The following CCDC9 variants were observed in gnomAD, a reference collection of about 807,000 sequenced individuals.
The protein encoded by CCDC9 is coiled-coil domain containing 9.
CCDC9 carries 52 observed loss-of-function variants against 65.6 expected under a neutral mutation model. The observed-to-expected ratio is 0.79, with a 90% CI of 0.63 to 1.00. The LOEUF is 1.00. Among genes scored for constraint, CCDC9 ranks in the 50% least tolerant of loss-of-function variants. The pLI is 0.00. For synonymous variants in CCDC9, 332 were observed against 280.3 expected, an observed-to-expected ratio of 1.18 and a Z score of -1.84; for missense variants, 834 against 757.2, an observed-to-expected ratio of 1.10 and a Z score of -1.19.
intron 4 of CCDC9, 80 bp downstream of exon 4, chr19:47,260,502 C>G (rs2059037757): frequency 1.3e-6 from 2 of 1,595,760 alleles, no homozygotes; most frequent in Non-Finnish European, 1.7e-6. Context: ...GAGCCCCCAG[C>G]TGTCCTGCAC....
chr19:47,267,746 G>T (rs1211368602), intron 8 of CCDC9, among the ~76,000 whole-genome samples: 6 of 152,296 alleles, frequency 3.9e-5, no homozygotes, highest in African/African-American at 1.2e-4. Context: ...GGGCATGAAG[G>T]CTGTTTAACA....
downstream of CCDC9, chr19:47,273,971 C>T: frequency 1.0e-6 from 1 of 985,062 alleles, no homozygotes; most frequent in Non-Finnish European, 1.2e-6. Context: ...CGCAGGCCTC[C>T]CCGAATTCCT....
rs2059082477 is a variant in CCDC9 at position 47,266,388 on chromosome 19, CAA to C, written c.721-222_721-221del. 19 of 529,692 alleles carry C rather than the reference CAA, an allele frequency of 3.6e-5. No homozygotes were observed. The South Asian group carries it at 6.4e-4, about 18-fold the overall frequency. 32.8% of individuals were successfully genotyped at this position (529,692 alleles called of 1,614,324 possible). Reference sequence around the variant, plus strand: ...AATATAGTGAGATGTGAGGTCCTACCAAGTGTTGTGGAGAAAAATCCAGCAGC... The same window carrying C: ...AATATAGTGAGATGTGAGGTCCTACCGTGTTGTGGAGAAAAATCCAGCAGC... On this transcript the variant is annotated intron_variant, in intron 7 of 11. Transcript: ENST00000221922.
chr19:47,266,582 A>G (rs9304666), intron 7 of CCDC9, 29 bp from the exon 8 acceptor site: 667,368 of 1,487,190 alleles, frequency 0.45, 153,473 homozygotes, highest in East Asian at 0.66. Context: ...GCGGGACATC[A>G]CCCTGACTCC....
Position 47,271,105 on chromosome 19 carries a change from CA to C in CCDC9, c.1113del (p.Glu372LysfsTer56). The C allele has an allele frequency of 1.3e-6, 2 of 1,561,900 alleles. No individual in the cohort carries two copies. Among genetic ancestry groups the C allele is most frequent in the Admixed American group, 2.0e-5 (1 of 50,160 alleles). On this transcript the variant is annotated frameshift_variant, in exon 11 of 12. Transcript: ENST00000221922. LOFTEE classifies it high-confidence loss of function. Reference protein sequence around the residue: ...AYSDHDDRWETKEGAASPAPE... With the variant: ...AYSDHDDRWEXKEGAASPAPE... ...AGTGACCATGATGACCGCTGGGAGACAAAAGAAGGGGCAGCATCCCCAGCCC... is the reference window on the plus strand; with the variant it reads ...AGTGACCATGATGACCGCTGGGAGACAAAGAAGGGGCAGCATCCCCAGCCC...
chr19:47,272,145 G>T, downstream of CCDC9: 13 of 1,236,340 alleles, frequency 1.1e-5, no homozygotes, highest in Non-Finnish European at 1.1e-5. Flanking sequence ...AAGAGGAAGG[G>T]TCTGAGGCAA....
Position 47,270,686 on chromosome 19 carries a change from C to T in CCDC9, c.1083C>T (p.Tyr361=), listed in dbSNP as rs1327102314. The T allele has an allele frequency of 1.9e-6, 3 of 1,610,202 alleles. No individual in the cohort carries two copies. Among genetic ancestry groups the T allele is most frequent in the Non-Finnish European group, 2.5e-6 (3 of 1,179,616 alleles). The change falls in exon 10 of 12, where the codon TAC becomes TAT. Residue 361 remains tyrosine (Y), a splice_region_variant and synonymous_variant. Transcript: ENST00000221922. ...AGGCCAAGGCAGCGCCCAGGGCCTA[C>T]AGGTGGGGCACCCCTTCTGCGGGCT... ...RPQAKAAPRA[Y]SDHDDRWETK... is the part of the protein sequence containing the mutation.
At chr19:47,273,391 C>G, downstream of CCDC9, 2 of 1,231,904 alleles carry the variant, frequency 1.6e-6, no homozygotes, top group Non-Finnish European at 2.0e-6. Flanking sequence ...CGGCGGAGAT[C>G]ACCGACTTCC....
Position 47,260,701 on chromosome 19 carries a change from A to G in CCDC9, c.324A>G (p.Ala108=). Residue 108 remains alanine, a synonymous_variant, in exon 5 of 12, where the codon GCA becomes GCG. Transcript: ENST00000221922. ...QQGGRAGMGR[A]SRSWEGSPGE... ...GAGGCCGGGCCGGCATGGGCCGAGC[A>G]TCGCGCAGCTGGGAGGGCAGCCCCG... 1 of 1,570,584 alleles carries G rather than the reference A, an allele frequency of 6.4e-7. No individual in the cohort carries two copies. The highest frequency in any genetic ancestry group is 8.6e-7 in the Non-Finnish European group (1 of 1,163,200).
At position 47,258,421 on chromosome 19, in the gene CCDC9, G is replaced by A. The variant is rs889007681; in HGVS notation, c.3+18G>A. ...GCGAAATGGTGAGGCTGAAAAATGG[G>A]GTCTCTAGAATCTGAGTTTTGGGGA... On this transcript the variant is annotated intron_variant, in intron 2 of 11. Transcript: ENST00000221922. 9 of 1,614,038 alleles carry A rather than the reference G, an allele frequency of 5.6e-6. No homozygotes were observed. Among genetic ancestry groups the A allele is most frequent in the Non-Finnish European group, 5.1e-6 (6 of 1,179,972 alleles).
At chr19:47,259,247 G>A (rs535638777) in intron 3 of CCDC9, among the ~76,000 whole-genome samples, 7 of 152,312 alleles carry the variant, frequency 4.6e-5, no homozygotes, top group African/African-American at 1.7e-4. Context: ...GGGCAGGTCA[G>A]CAGGGGCCAG....
chr19:47,268,929 AT>A (rs2123475023), intron 8 of CCDC9, among the ~76,000 whole-genome samples: 6 of 151,476 alleles, frequency 4.0e-5, no homozygotes, highest in Admixed American at 6.6e-5. Flanking sequence ...AAAAATAATA[AT>A]AATAATAATA....
At chr19:47,273,288 G>A, downstream of CCDC9, 1 of 948,148 alleles carries the variant, frequency 1.1e-6, no homozygotes, top group Non-Finnish European at 1.4e-6. Context: ...AGACGGGGGA[G>A]GGGTGCTGGG....
rs1600293611 is a variant in CCDC9, at chr19:47,271,803, G to A, written c.*125G>A. On this transcript the variant is annotated 3_prime_UTR_variant, in exon 12 of 12. Coordinates refer to ENST00000221922, the MANE Select transcript of CCDC9 (RefSeq NM_015603.3). The stretch of plus-strand genomic sequence containing the variant: ...TGGGGGACCCTTGGGGCTGGGCCCT[G>A]GGACCCAGTGTGCCCCACAGCCCTG... 5 of 1,450,034 alleles carry A rather than the reference G, an allele frequency of 3.4e-6. No homozygotes were observed. In the East Asian group the frequency reaches 1.2e-4, roughly 35 times the overall value. The allele number at this position is 1,450,034 out of a possible 1,614,324, so 89.8% of individuals were successfully genotyped here.
chr19:47,272,164 G>C (rs180784368), downstream of CCDC9: 7 of 1,234,908 alleles, frequency 5.7e-6, no homozygotes, highest in East Asian at 1.6e-4. Flanking sequence ...AACTCCAGGT[G>C]GGGGAGTGCA....
At chr19:47,264,483 T>G in intron 5 of CCDC9, 120 bp from the exon 6 acceptor site, 1 of 915,770 alleles carries the variant, frequency 1.1e-6, no homozygotes, top group Non-Finnish European at 1.7e-6. Context: ...GAGCAAATGG[T>G]CAGATGCCAG....
At chr19:47,272,173 C>T, downstream of CCDC9, 1 of 1,232,386 alleles carries the variant, frequency 8.1e-7, no homozygotes, top group Non-Finnish European at 1.0e-6. Flanking sequence ...TGGGGGAGTG[C>T]ATGGGGCATG....
At chr19:47,272,049 C>A, downstream of CCDC9, 1 of 1,237,388 alleles carries the variant, frequency 8.1e-7, no homozygotes, top group African/African-American at 1.5e-5. Flanking sequence ...GGGGGCTTGA[C>A]TGGGGCTCCC....
downstream of CCDC9, chr19:47,275,483 G>A: frequency 7.8e-7 from 1 of 1,289,562 alleles, no homozygotes. Context: ...GTCATCCCGC[G>A]GAATGGGGGC....
Sources: gnomAD v4.1 joint callset for allele counts (sites outside exome capture counted in the v4.1 genomes callset) on GRCh38, gnomAD v4.1.1 for gene constraint, MANE v1.5 for transcripts, NCBI Gene and HGNC (gene_info 2026-07-23, HGNC 2026-07-21) for gene names.